LRRC4C: variants seen among roughly 807,000 people sequenced by gnomAD.
LRRC4C encodes the protein leucine-rich repeat-containing protein 4C.
Under a neutral mutation model 33.6 loss-of-function variants are expected in LRRC4C, and 5 were observed. That is an observed-to-expected ratio of 0.15 (90% confidence interval 0.08 to 0.31). The LOEUF is 0.31. LRRC4C is among the 10% of genes least tolerant of loss of function. The pLI, the probability that LRRC4C is intolerant of heterozygous loss-of-function variation, is 1.00. For missense variants in LRRC4C, 560 were observed against 796.7 expected, an observed-to-expected ratio of 0.70 and a Z score of 3.58; for synonymous variants, 329 against 302.0, an observed-to-expected ratio of 1.09 and a Z score of -0.93.
In LRRC4C at chr11:40,714,691, A is replaced by G. The variant is rs373868557; in HGVS notation, c.-406-66413T>C. Among the ~76,000 whole-genome samples, 119 of 152,320 alleles carry G rather than the reference A, an allele frequency of 7.8e-4. 3 individuals carry two copies. The South Asian group carries it at 0.025, about 32-fold the overall frequency. On this transcript the variant is annotated intron_variant, in intron 2 of 6. Coordinates refer to ENST00000528697, the MANE Select transcript of LRRC4C (RefSeq NM_001258419.2). ...GATATTGTTATGATTATTATAAAAA[A>G]TAGTGAATAAGAAGGTGTGGCACCA...
chr11:41,364,622 T>G (rs1346429531), intron 1 of LRRC4C, among the ~76,000 whole-genome samples: 1 of 152,082 alleles, frequency 6.6e-6, no homozygotes, highest in Non-Finnish European at 1.5e-5. Context: ...AAAGTTCAGG[T>G]GAAATAAAAC....
intron 1 of LRRC4C, among the ~76,000 whole-genome samples, chr11:41,001,500 A>G (rs772284816): frequency 6.6e-6 from 1 of 152,104 alleles, no homozygotes; most frequent in Admixed American, 6.6e-5. Flanking sequence ...GTTCCAGACT[A>G]TCAGGATCCC....
chr11:41,189,446 C>A (rs1945849117), intron 1 of LRRC4C, among the ~76,000 whole-genome samples: 1 of 152,052 alleles, frequency 6.6e-6, no homozygotes, highest in Admixed American at 6.6e-5. Flanking sequence ...GTTTGTAGAG[C>A]TGGGTAAGGA....
At chr11:41,252,404 T>G (rs1451841595) in intron 1 of LRRC4C, among the ~76,000 whole-genome samples, 1 of 152,114 alleles carries the variant, frequency 6.6e-6, no homozygotes, top group Admixed American at 6.6e-5. Flanking sequence ...TGGAAGCATA[T>G]TTACAGCCCA....
chr11:40,895,549 C>T (rs1383219905), intron 2 of LRRC4C, among the ~76,000 whole-genome samples: 1 of 152,126 alleles, frequency 6.6e-6, no homozygotes, highest in Non-Finnish European at 1.5e-5. Context: ...TCTTCTGTGC[C>T]TGCTGAAGCA....
intron 1 of LRRC4C, among the ~76,000 whole-genome samples, chr11:41,202,317 A>G (rs1320319328): frequency 3.9e-5 from 6 of 152,200 alleles, no homozygotes; most frequent in Admixed American, 3.9e-4. Flanking sequence ...TCATCTCTGC[A>G]TTATGTACCC....
At chr11:41,121,372 A>T (rs1269989597) in intron 1 of LRRC4C, among the ~76,000 whole-genome samples, 1 of 152,164 alleles carries the variant, frequency 6.6e-6, no homozygotes, top group East Asian at 1.9e-4. Context: ...CATACTTGAC[A>T]TTATATTCCA....
intron 1 of LRRC4C, among the ~76,000 whole-genome samples, chr11:41,233,632 A>T (rs1947896975): frequency 6.6e-6 from 1 of 152,052 alleles, no homozygotes; most frequent in Admixed American, 6.6e-5. Flanking sequence ...TAGATATATC[A>T]GTAATTTAAA....
intron 2 of LRRC4C, among the ~76,000 whole-genome samples, chr11:40,921,722 A>G (rs1037472534): frequency 3.3e-5 from 5 of 152,254 alleles, no homozygotes; most frequent in African/African-American, 1.2e-4. Context: ...TGGAATATCC[A>G]TCACCTCAAA....
intron 5 of LRRC4C, among the ~76,000 whole-genome samples, chr11:40,189,319 C>T (rs1412260580): frequency 1.3e-5 from 2 of 152,078 alleles, no homozygotes; most frequent in Non-Finnish European, 2.9e-5. Flanking sequence ...TTTAAACAAC[C>T]TCGTTCTATA....
At chr11:40,173,600 ATC>A (rs1311124907) in intron 5 of LRRC4C, among the ~76,000 whole-genome samples, 1 of 152,184 alleles carries the variant, frequency 6.6e-6, no homozygotes, top group Non-Finnish European at 1.5e-5. Flanking sequence ...GTACAATTCA[ATC>A]TGAGACTACC....
At chr11:41,401,012 G>A (rs1954005610) in intron 1 of LRRC4C, among the ~76,000 whole-genome samples, 1 of 151,748 alleles carries the variant, frequency 6.6e-6, no homozygotes, top group South Asian at 2.1e-4. Flanking sequence ...TGAGACTACT[G>A]AGCACTATTT....
At chr11:40,705,213 T>C (rs555656959) in intron 2 of LRRC4C, among the ~76,000 whole-genome samples, 3 of 152,262 alleles carry the variant, frequency 2.0e-5, no homozygotes, top group Non-Finnish European at 4.4e-5. Context: ...ATTTTAGTTT[T>C]TTTATTATTA....
At position 40,834,911 on chromosome 11, in the gene LRRC4C, G is replaced by GACAGACACAC. The variant is rs748483585; in HGVS notation, c.-407+98723_-407+98724insGTGTGTCTGT. The stretch of plus-strand genomic sequence containing the variant: ...AGACAGACAGACAGACAGACAGACA[G>GACAGACACAC]ACACACACACACACACACACACACA... On this transcript the variant is annotated intron_variant, in intron 2 of 6. Transcript: ENST00000528697. Among the ~76,000 whole-genome samples, 348 of 84,918 alleles carry GACAGACACAC rather than the reference G, an allele frequency of 4.1e-3. 2 individuals are homozygous for GACAGACACAC. Among genetic ancestry groups the GACAGACACAC allele is most frequent in the Non-Finnish European group, 6.4e-3 (245 of 38,416 alleles). The allele number at this position is 84,918 out of a possible 152,430, so 55.7% of individuals were successfully genotyped here.
At chr11:40,210,195 G>A (rs1276321198) in intron 5 of LRRC4C, among the ~76,000 whole-genome samples, 1 of 151,802 alleles carries the variant, frequency 6.6e-6, no homozygotes, top group Non-Finnish European at 1.5e-5. Flanking sequence ...ATGAACCCAG[G>A]AGGCGGAGCT....
intron 3 of LRRC4C, among the ~76,000 whole-genome samples, chr11:40,353,180 C>T (rs1947495295): frequency 1.3e-5 from 2 of 151,954 alleles, no homozygotes; most frequent in Non-Finnish European, 2.9e-5. Context: ...CAGTCTTTCT[C>T]TCTACTTACT....
chr11:41,386,567 G>A (rs1953368049), intron 1 of LRRC4C, among the ~76,000 whole-genome samples: 1 of 151,710 alleles, frequency 6.6e-6, no homozygotes, highest in Non-Finnish European at 1.5e-5. Context: ...ACTGTTCACA[G>A]ATGTACCTTT....
chr11:40,214,380 T>C (rs1181499511), intron 5 of LRRC4C, among the ~76,000 whole-genome samples: 1 of 152,144 alleles, frequency 6.6e-6, no homozygotes, highest in Non-Finnish European at 1.5e-5. Flanking sequence ...CCTAAGTCCC[T>C]ATTACATATT....
intron 1 of LRRC4C, among the ~76,000 whole-genome samples, chr11:40,998,601 T>C (rs2137347837): frequency 6.6e-6 from 1 of 152,230 alleles, no homozygotes; most frequent in Admixed American, 6.5e-5. Flanking sequence ...GACTCTATGA[T>C]CTACTGATAT....
Sources: gnomAD v4.1 joint callset for allele counts (sites outside exome capture counted in the v4.1 genomes callset) on GRCh38, gnomAD v4.1.1 for gene constraint, MANE v1.5 for transcripts, NCBI Gene and HGNC (gene_info 2026-07-23, HGNC 2026-07-21) for gene names.